The following TNRC6B variants were observed in gnomAD, a reference collection of about 807,000 sequenced individuals.
The protein encoded by TNRC6B is trinucleotide repeat-containing gene 6B protein.
In TNRC6B, 52 loss-of-function variants were observed where a neutral mutation model predicts 203.6. The observed-to-expected ratio is 0.26, with a 90% CI of 0.20 to 0.32. TNRC6B has a LOEUF of 0.32. Among genes scored for constraint, TNRC6B ranks in the 10% least tolerant of loss-of-function variants. The probability of loss-of-function intolerance (pLI) is 1.00; values close to 1 mark genes in which losing one functional copy is unlikely to be tolerated. For missense variants in TNRC6B, 1,923 were observed against 2,286.2 expected (o/e 0.84, Z 3.24); for synonymous variants, 838 against 845.7 (o/e 0.99, Z 0.16).
intron 1 of TNRC6B, 141 bp from the exon 2 acceptor site, chr22:40,245,874 T>C (rs957949085): frequency 1.5e-5 from 7 of 472,636 alleles, no homozygotes; most frequent in Non-Finnish European, 2.6e-5. Flanking sequence ...TGGATCCTTT[T>C]GATTTAAATG....
intron 1 of TNRC6B, among the ~76,000 whole-genome samples, chr22:40,193,580 A>G (rs544621649): frequency 1.6e-4 from 24 of 152,306 alleles, no homozygotes; most frequent in African/African-American, 5.8e-4. Context: ...TAGGCACTTC[A>G]TAAAGTTAGT....
chr22:40,205,332 C>T (rs1042255245), intron 1 of TNRC6B, among the ~76,000 whole-genome samples: 2 of 152,190 alleles, frequency 1.3e-5, no homozygotes, highest in African/African-American at 4.8e-5. Flanking sequence ...AAGTTTTGTG[C>T]ACCAGTACTG....
At chr22:40,295,077 G>A (rs2070920833) in intron 12 of TNRC6B, among the ~76,000 whole-genome samples, 1 of 152,228 alleles carries the variant, frequency 6.6e-6, no homozygotes, top group African/African-American at 2.4e-5. Flanking sequence ...AAATGACAGA[G>A]TTGATGGGTG....
chr22:40,153,109 TAAAA>T (rs2068774611), intron 3 of TNRC6B, among the ~76,000 whole-genome samples: 1 of 151,904 alleles, frequency 6.6e-6, no homozygotes, highest in African/African-American at 2.4e-5. Flanking sequence ...TCAAAAAAAA[TAAAA>T]ATAAATAAAA....
Position 40,089,219 on chromosome 22 carries a change from A to T in TNRC6B, c.-120-27836A>T, listed in dbSNP as rs551470415. On this transcript the variant is annotated intron_variant, in intron 1 of 23. Coordinates refer to the TNRC6B transcript ENST00000301923. ...GGTTAAATAAAACCCTGTTAACTTGATTTCTTCATAGACTTTTTTTTTCTT... is the reference window on the plus strand; with the variant it reads ...GGTTAAATAAAACCCTGTTAACTTGTTTTCTTCATAGACTTTTTTTTTCTT... Among the ~76,000 whole-genome samples, 11 of 152,160 alleles carry T rather than the reference A, an allele frequency of 7.2e-5. No individual in the cohort carries two copies. In the South Asian group the frequency reaches 2.3e-3, roughly 32 times the overall value.
chr22:40,189,581 T>G (rs1569013917), intron 1 of TNRC6B, among the ~76,000 whole-genome samples: 1 of 152,212 alleles, frequency 6.6e-6, no homozygotes, highest in Non-Finnish European at 1.5e-5. Context: ...TCTTAACGTC[T>G]TTAGGGTGGG....
chr22:40,204,314 A>G (rs1338188153), intron 1 of TNRC6B, among the ~76,000 whole-genome samples: 1 of 152,226 alleles, frequency 6.6e-6, no homozygotes, highest in African/African-American at 2.4e-5. Flanking sequence ...AGCCTCTGGC[A>G]TTTATTCACG....
chr22:40,253,541 A>G (rs201108238), intron 3 of TNRC6B: 265 of 454,692 alleles, frequency 5.8e-4, no homozygotes, highest in Non-Finnish European at 9.7e-4. Context: ...TCTCATACCT[A>G]CTATATAATG....
intron 1 of TNRC6B, among the ~76,000 whole-genome samples, chr22:40,208,122 A>C (rs1319284209): frequency 6.7e-6 from 1 of 150,256 alleles, no homozygotes; most frequent in Non-Finnish European, 1.5e-5. Flanking sequence ...AAAAAAAAAA[A>C]AAAAAAAAAA....
intron 1 of TNRC6B, among the ~76,000 whole-genome samples, chr22:40,078,533 T>C (rs908272642): frequency 6.6e-6 from 1 of 152,004 alleles, no homozygotes; most frequent in Admixed American, 6.6e-5. Flanking sequence ...AAAAGAAAAT[T>C]ATTTATGATT....
At chr22:40,085,781 T>A (rs2068094942) in intron 1 of TNRC6B, among the ~76,000 whole-genome samples, 2 of 152,240 alleles carry the variant, frequency 1.3e-5, no homozygotes, top group African/African-American at 4.8e-5. Flanking sequence ...AATTAGGGTT[T>A]ACAAAATGGT....
chr22:40,173,866 T>A (rs2069030527), upstream of TNRC6B, among the ~76,000 whole-genome samples: 1 of 138,936 alleles, frequency 7.2e-6, no homozygotes, highest in South Asian at 2.4e-4. Flanking sequence ...TGCAGTGGCA[T>A]GATCTTAGCT....
At chr22:40,173,101 A>C (rs1023145988), upstream of TNRC6B, among the ~76,000 whole-genome samples, 1 of 152,102 alleles carries the variant, frequency 6.6e-6, no homozygotes, top group Non-Finnish European at 1.5e-5. Context: ...TTAAAACAAA[A>C]TATAGTTTTT....
At chr22:40,194,620 A>C (rs1430743312) in intron 1 of TNRC6B, among the ~76,000 whole-genome samples, 1 of 152,134 alleles carries the variant, frequency 6.6e-6, no homozygotes, top group African/African-American at 2.4e-5. Context: ...AGTTTTCCCC[A>C]CCTGCTTTGC....
chr22:40,176,433 G>A (rs1160261839), upstream of TNRC6B, among the ~76,000 whole-genome samples: 1 of 151,926 alleles, frequency 6.6e-6, no homozygotes, highest in African/African-American at 2.4e-5. Flanking sequence ...GGCCTCATGC[G>A]CTTTTTACCA....
chr22:40,308,677 C>T (rs1337253688), intron 16 of TNRC6B, 28 bp downstream of exon 16: 1 of 1,593,642 alleles, frequency 6.3e-7, no homozygotes, highest in East Asian at 2.2e-5. Flanking sequence ...AGCTAGAGCC[C>T]CCAACCCACA....
Position 40,265,162 on chromosome 22 carries a change from G to T in TNRC6B, c.932G>T (p.Trp311Leu). The T allele has an allele frequency of 6.2e-7, 1 of 1,613,940 alleles. No individual in the cohort carries two copies. Among genetic ancestry groups the T allele is most frequent in the African/African-American group, 1.3e-5 (1 of 75,020 alleles). Residue 311 changes from tryptophan (W) to leucine (L), a missense_variant, in exon 5 of 23, where the codon TGG (tryptophan) becomes TTG (leucine). Around this residue, in one of 8 missense-constraint regions of TNRC6B, gnomAD observed 614 missense variants for 587.7 expected, o/e 1.04. Transcript: ENST00000454349. ...AACCCAAATAGCAACCCATCTGCCT[G>T]GCCAGCACTGGTCCAAGAAGGAACT... ...NFNPNSNPSAWPALVQEGTSR... is the reference protein window; with the variant it reads ...NFNPNSNPSALPALVQEGTSR...
chr22:40,119,354 C>T (rs1346512838), intron 2 of TNRC6B, among the ~76,000 whole-genome samples: 1 of 152,178 alleles, frequency 6.6e-6, no homozygotes, highest in African/African-American at 2.4e-5. Context: ...GAGGCCTAGG[C>T]GGGCGGATCA....
chr22:40,148,143 A>T (rs1045645900), intron 3 of TNRC6B, among the ~76,000 whole-genome samples: 2 of 152,228 alleles, frequency 1.3e-5, no homozygotes, highest in Non-Finnish European at 2.9e-5. Flanking sequence ...ACATGAGTGC[A>T]GTTAAAACCA....
Sources: allele counts gnomAD v4.1 joint callset (sites outside exome capture counted in the v4.1 genomes callset), GRCh38; gene constraint gnomAD v4.1.1; regional missense constraint gnomAD v4.1.1; transcripts MANE v1.5; gene names NCBI Gene and HGNC (gene_info 2026-07-23, HGNC 2026-07-21).